ITGA9: variants seen among roughly 807,000 people sequenced by gnomAD.
The protein encoded by ITGA9 is integrin alpha-9.
In ITGA9, 56 loss-of-function variants were observed where a neutral mutation model predicts 127.8. The observed-to-expected ratio is 0.44, with a 90% CI of 0.35 to 0.55. ITGA9 has a LOEUF of 0.55. Among genes scored for constraint, ITGA9 ranks in the 20% least tolerant of loss-of-function variants. The probability of loss-of-function intolerance (pLI) is 0.00; values close to 1 mark genes in which losing one functional copy is unlikely to be tolerated. For missense variants in ITGA9, 1,196 were observed against 1,347.1 expected, an observed-to-expected ratio of 0.89 and a Z score of 1.76; for synonymous variants, 508 against 514.5, an observed-to-expected ratio of 0.99 and a Z score of 0.17.
Position 37,519,373 on chromosome 3 carries a change from A to G in ITGA9, c.1236+19A>G, listed in dbSNP as rs778882285. The G allele has an allele frequency of 1.2e-5, 19 of 1,564,670 alleles. No homozygotes were observed. Among genetic ancestry groups the G allele is most frequent in the Middle Eastern group, 1.7e-4 (1 of 5,968 alleles). ...CTCAATGGTAATTAGTGTGAGAGTG[A>G]TATGGCAACTGTTCATACATTCATT... is the stretch of plus-strand genomic sequence containing the variant. On this transcript the variant is annotated intron_variant, in intron 11 of 27. Coordinates refer to ENST00000264741, the MANE Select transcript of ITGA9 (RefSeq NM_002207.3).
intron 23 of ITGA9, among the ~76,000 whole-genome samples, chr3:37,769,496 A>G (rs1696818822): frequency 2.0e-5 from 3 of 152,036 alleles, no homozygotes; most frequent in South Asian, 4.2e-4. Flanking sequence ...CTGGGTAACT[A>G]CCTCCACCCA....
At chr3:37,555,289 T>G (rs1345170824) in intron 15 of ITGA9, among the ~76,000 whole-genome samples, 2 of 152,248 alleles carry the variant, frequency 1.3e-5, no homozygotes, top group East Asian at 3.8e-4. Context: ...ATCTTATAAA[T>G]CCTATCACTA....
At chr3:37,515,167 T>C (rs1439716959) in intron 9 of ITGA9, among the ~76,000 whole-genome samples, 3 of 152,198 alleles carry the variant, frequency 2.0e-5, no homozygotes, top group Non-Finnish European at 4.4e-5. Flanking sequence ...AAAAATGGGA[T>C]GAAAACTGCA....
rs1699882858 is a variant in ITGA9 at position 37,597,769 on chromosome 3, G to A, written c.1690-31418G>A. ...CATATAGTTTGTGCAGCTGGGATTA[G>A]CAGTGGCTTGGCTAGCTGGCTCTGC... On this transcript the variant is annotated intron_variant, in intron 15 of 27. Transcript: ENST00000264741. The surrounding 1 kb of genome is among the most constrained non-coding windows in gnomAD (Gnocchi z 4.6). Among the ~76,000 whole-genome samples, 1 of 152,228 alleles carries A rather than the reference G, an allele frequency of 6.6e-6. No individual in the cohort carries two copies.
intron 18 of ITGA9, among the ~76,000 whole-genome samples, chr3:37,702,791 C>T (rs375492109): frequency 1.3e-5 from 2 of 152,054 alleles, no homozygotes; most frequent in South Asian, 4.2e-4. Flanking sequence ...CAGGGTGCCT[C>T]CTTGCCCGGG....
In ITGA9 at chr3:37,568,787, G is replaced by A. The variant is rs552640366; in HGVS notation, c.1689+26202G>A. On this transcript the variant is annotated intron_variant, in intron 15 of 27. Coordinates refer to ENST00000264741, the MANE Select transcript of ITGA9 (RefSeq NM_002207.3). ...CTGAGACCACCTCAGCCTAGATTTC[G>A]TTGTCCCTATTATTATCAGCATTTT... 7.2e-5 allele frequency among the ~76,000 whole-genome samples: 11 copies of A among 152,148 alleles called. 1 individual carries two copies. The highest frequency in any genetic ancestry group is 2.1e-4 in the South Asian group (1 of 4,822).
chr3:37,741,766 C>T lies in ITGA9; in HGVS notation c.2271C>T (p.Asn757=), dbSNP rs1469986023. The part of the protein sequence containing the change: ...NTERSESLHD[N]TLVLMVPLMH... Reference sequence around the variant, plus strand: ...AGCGCTCTGAATCCCTGCATGACAACACCCTCGTGCTGATGGTGCCACTGA... The same window carrying T: ...AGCGCTCTGAATCCCTGCATGACAATACCCTCGTGCTGATGGTGCCACTGA... The change falls in exon 21 of 28, where the codon AAC becomes AAT. Residue 757 remains asparagine, a synonymous_variant. Coordinates refer to ENST00000264741, the MANE Select transcript of ITGA9 (RefSeq NM_002207.3). The T allele has an allele frequency of 1.2e-6, 2 of 1,613,934 alleles. No homozygotes were observed. The highest frequency in any genetic ancestry group is 8.5e-7 in the Non-Finnish European group (1 of 1,179,932).
At chr3:37,513,951 G>A in intron 9 of ITGA9, 51 bp downstream of exon 9, 1 of 1,610,496 alleles carries the variant, frequency 6.2e-7, no homozygotes, top group South Asian at 1.1e-5. Context: ...AGGGACATTT[G>A]TCCAGCCAGC....
chr3:37,778,243 A>G (rs1047173708), intron 24 of ITGA9, among the ~76,000 whole-genome samples: 8 of 152,216 alleles, frequency 5.3e-5, no homozygotes, highest in Non-Finnish European at 2.9e-5. Flanking sequence ...GGGATGGGGC[A>G]TGAGGGAGCC....
At chr3:37,461,065 A>G (rs1275347793) in intron 1 of ITGA9, among the ~76,000 whole-genome samples, 1 of 152,060 alleles carries the variant, frequency 6.6e-6, no homozygotes, top group Admixed American at 6.6e-5. Context: ...TGTGCAGTAC[A>G]CACCAGTAGG....
chr3:37,686,767 C>A (rs1161571273), intron 18 of ITGA9, among the ~76,000 whole-genome samples: 1 of 152,096 alleles, frequency 6.6e-6, no homozygotes, highest in Non-Finnish European at 1.5e-5. Flanking sequence ...GCCAGAAACG[C>A]AGATGGGCAA....
chr3:37,789,637 C>T (rs993216235), intron 26 of ITGA9, among the ~76,000 whole-genome samples: 6 of 150,176 alleles, frequency 4.0e-5, no homozygotes, highest in African/African-American at 1.5e-4. Context: ...GGTGTGGTGG[C>T]GGGCGCCTGT....
At chr3:37,577,877 G>A (rs1369538428) in intron 15 of ITGA9, among the ~76,000 whole-genome samples, 1 of 152,136 alleles carries the variant, frequency 6.6e-6, no homozygotes, top group African/African-American at 2.4e-5. Flanking sequence ...TTTATGATTC[G>A]TGTGCTGGTC....
rs557784018 is a variant in ITGA9 at position 37,716,520 on chromosome 3, G to T, written c.2068-16192G>T. 8.6e-5 allele frequency among the ~76,000 whole-genome samples: 13 copies of T among 151,096 alleles called. No homozygotes were observed. In the South Asian group the frequency reaches 2.8e-3, roughly 32 times the overall value. ...CTTCTGCAGGCTCAAAGCATGGGAA[G>T]TAATCAGTAAATGGCCAATTTATCT... On this transcript the variant is annotated intron_variant, in intron 18 of 27. Transcript: ENST00000264741.
At chr3:37,678,651 G>C (rs865985781) in intron 17 of ITGA9, among the ~76,000 whole-genome samples, 6 of 152,200 alleles carry the variant, frequency 3.9e-5, no homozygotes, top group African/African-American at 1.4e-4. Context: ...CAAAAGAAAA[G>C]GTCATGGTTT....
chr3:37,547,584 G>A (rs1699339125), intron 15 of ITGA9, among the ~76,000 whole-genome samples: 1 of 151,912 alleles, frequency 6.6e-6, no homozygotes, highest in African/African-American at 2.4e-5. Flanking sequence ...AGATAGTTAA[G>A]AAAGGGAGAT....
At chr3:37,517,091 G>A (rs1358082389) in intron 9 of ITGA9, among the ~76,000 whole-genome samples, 2 of 152,090 alleles carry the variant, frequency 1.3e-5, no homozygotes, top group East Asian at 3.8e-4. Flanking sequence ...GTACCAAAAG[G>A]CACAGGAAAG....
chr3:37,468,969 C>T (rs369946417), intron 1 of ITGA9, among the ~76,000 whole-genome samples: 49 of 152,330 alleles, frequency 3.2e-4, no homozygotes, highest in Admixed American at 1.0e-3. Context: ...CCAAATGGCT[C>T]GTAGCTCAGC....
At chr3:37,534,160 G>T (rs1291259116) in intron 14 of ITGA9, among the ~76,000 whole-genome samples, 1 of 152,210 alleles carries the variant, frequency 6.6e-6, no homozygotes, top group African/African-American at 2.4e-5. Flanking sequence ...TGAAGGAAAT[G>T]AATCTGGAGC....
Sources: gnomAD v4.1 joint callset for allele counts (sites outside exome capture counted in the v4.1 genomes callset) on GRCh38, gnomAD v4.1.1 for gene constraint, Gnocchi (gnomAD v3.1) non-coding constraint, MANE v1.5 for transcripts, NCBI Gene and HGNC (gene_info 2026-07-23, HGNC 2026-07-21) for gene names.